The following DYNLT4 variants were observed in gnomAD, a reference collection of about 807,000 sequenced individuals.
The protein encoded by DYNLT4 is dynein light chain Tctex-type 4.
DYNLT4 carries 3 observed loss-of-function variants against 1.5 expected under a neutral mutation model. The ratio of observed to expected loss-of-function variants is 1.97; its 90% CI spans 0.90 to 5.08. The LOEUF is 5.08. DYNLT4 is among the 30% of genes most tolerant of loss of function. DYNLT4 has a pLI of 0.02. For synonymous variants in DYNLT4, 181 were observed against 160.0 expected, an observed-to-expected ratio of 1.13 and a Z score of -0.99; for missense variants, 346 against 341.0, an observed-to-expected ratio of 1.01 and a Z score of -0.12.
Position 44,806,665 on chromosome 1 carries a change from C to G in DYNLT4, c.4G>C (p.Ala2Pro), listed in dbSNP as rs1208057936. 1 of 1,460,010 alleles carries G rather than the reference C, an allele frequency of 6.8e-7. No individual in the cohort carries two copies. Among genetic ancestry groups the G allele is most frequent in the East Asian group, 2.6e-5 (1 of 38,080 alleles). 90.4% of individuals were successfully genotyped at this position (1,460,010 alleles called of 1,614,324 possible). Reference sequence around the variant, plus strand: ...CGTCCCGGGGGCAGAGGCCTGCTGGCCATGGACCTGCTGGCTGGAGGAACC... The same window carrying G: ...CGTCCCGGGGGCAGAGGCCTGCTGGGCATGGACCTGCTGGCTGGAGGAACC... M[A>P]SRPLPPGRQE... is the part of the protein sequence containing the mutation. The change falls in exon 3 of 3, where the codon GCC (alanine) becomes CCC (proline). Residue 2 changes from alanine (A) to proline (P), a missense_variant. Transcript: ENST00000339355.
In DYNLT4 at chr1:44,806,045, C is replaced by T. The variant is rs375429853; in HGVS notation, c.624G>A (p.Ser208=). The T allele has an allele frequency of 1.9e-6, 3 of 1,584,082 alleles. No individual in the cohort carries two copies. Among genetic ancestry groups the T allele is most frequent in the South Asian group, 1.1e-5 (1 of 88,322 alleles). ...GLASVSYTNT[S]LFAVATVHGL... is the part of the protein sequence containing the mutation. ...CGTGGACCGTGGCCACCGCGAAGAG[C>T]GAGGTGTTGGTGTAGGAGACCGAGG... is the stretch of plus-strand genomic sequence containing the variant. The change falls in exon 3 of 3, where the codon TCG becomes TCA. Residue 208 remains serine (S), a synonymous_variant. Transcript: ENST00000339355.
In DYNLT4 at chr1:44,806,660, G is replaced by A. The variant is rs1652119182; in HGVS notation, c.9C>T (p.Ser3=). 2.1e-6 allele frequency: 3 copies of A among 1,462,748 alleles called. No homozygotes were observed. Among genetic ancestry groups the A allele is most frequent in the Non-Finnish European group, 1.8e-6 (2 of 1,110,708 alleles). 90.6% of individuals were successfully genotyped at this position (1,462,748 alleles called of 1,614,324 possible). Residue 3 remains serine, a synonymous_variant, in exon 3 of 3, where the codon AGC becomes AGT. Coordinates refer to ENST00000339355, the MANE Select transcript of DYNLT4 (RefSeq NM_001377534.1). Reference sequence around the variant, plus strand: ...CCTGGCGTCCCGGGGGCAGAGGCCTGCTGGCCATGGACCTGCTGGCTGGAG... The same window carrying A: ...CCTGGCGTCCCGGGGGCAGAGGCCTACTGGCCATGGACCTGCTGGCTGGAG... MA[S]RPLPPGRQEE...
rs1652104541 is a variant in DYNLT4, at chr1:44,806,540, T to C, written c.129A>G (p.Pro43=). The C allele has an allele frequency of 1.3e-6, 2 of 1,497,002 alleles. No individual in the cohort carries two copies. Among genetic ancestry groups the C allele is most frequent in the Admixed American group, 2.4e-5 (1 of 42,488 alleles). 92.7% of individuals were successfully genotyped at this position (1,497,002 alleles called of 1,614,324 possible). The change falls in exon 3 of 3, where the codon CCA becomes CCG. Residue 43 remains proline (P), a synonymous_variant. Coordinates refer to ENST00000339355, the MANE Select transcript of DYNLT4 (RefSeq NM_001377534.1). ...PSIDEARPAG[P]GPAPASRRGS... is the part of the protein sequence containing the mutation. Reference sequence around the variant, plus strand: ...CCCGGCGCGAGGCCGGGGCTGGACCTGGACCTGCCGGTCGGGCCTCATCAA... The same window carrying C: ...CCCGGCGCGAGGCCGGGGCTGGACCCGGACCTGCCGGTCGGGCCTCATCAA...
Position 44,806,511 on chromosome 1 carries a change from G to C in DYNLT4, c.158C>G (p.Ser53Cys). ...PGPAPASRRG[S>C]MLGLAASFSR... Reference sequence around the variant, plus strand: ...GAAGGACGCGGCCAGGCCCAGCATGGAGCCCCGGCGCGAGGCCGGGGCTGG... The same window carrying C: ...GAAGGACGCGGCCAGGCCCAGCATGCAGCCCCGGCGCGAGGCCGGGGCTGG... The change falls in exon 3 of 3, where the codon TCC (serine) becomes TGC (cysteine). Residue 53 changes from serine (S) to cysteine (C), a missense_variant. Ser to Cys is a moderately radical substitution (Grantham distance 112, BLOSUM62 -1). Coordinates refer to ENST00000339355, the MANE Select transcript of DYNLT4 (RefSeq NM_001377534.1). 3 of 1,498,286 alleles carry C rather than the reference G, an allele frequency of 2.0e-6. No individual in the cohort carries two copies. The highest frequency in any genetic ancestry group is 2.7e-6 in the Non-Finnish European group (3 of 1,131,896). 92.8% of individuals were successfully genotyped at this position (1,498,286 alleles called of 1,614,324 possible).
rs765920469 is a variant in DYNLT4 at position 44,806,606 on chromosome 1, C to T, written c.63G>A (p.Arg21=). Residue 21 remains arginine (R), a synonymous_variant, in exon 3 of 3, where the codon CGG becomes CGA. Coordinates refer to ENST00000339355, the MANE Select transcript of DYNLT4 (RefSeq NM_001377534.1). The stretch of plus-strand genomic sequence containing the variant: ...CTCGGGGCCGCACCGGTGAGGGTTT[C>T]CGCCCGGAGTCTTTGGCATTCTCCT... ...QEEENAKDSG[R]KPSPVRPRGC... 3.7e-5 allele frequency: 54 copies of T among 1,469,654 alleles called. No homozygotes were observed. Among genetic ancestry groups the T allele is most frequent in the Non-Finnish European group, 4.6e-5 (51 of 1,114,122 alleles). 91.0% of individuals were successfully genotyped at this position (1,469,654 alleles called of 1,614,324 possible).
At position 44,806,068 on chromosome 1, in the gene DYNLT4, A is replaced by G. The variant is rs201414613; in HGVS notation, c.601T>C (p.Ser201Pro). ...AGCGAGGTGTTGGTGTAGGAGACCG[A>G]GGCCAGCCCATCGCGCGCCACGTCC... ...LWDVARDGLA[S>P]VSYTNTSLFA... Residue 201 changes from serine to proline, a missense_variant, in exon 3 of 3, where the codon TCG (serine) becomes CCG (proline). Transcript: ENST00000339355. 119 of 1,602,932 alleles carry G rather than the reference A, an allele frequency of 7.4e-5. No individual in the cohort carries two copies. Among genetic ancestry groups the G allele is most frequent in the Admixed American group, 6.8e-5 (4 of 58,542 alleles).
rs866455438 is a variant in DYNLT4, at chr1:44,806,437, G to T, written c.232C>A (p.Arg78=). Residue 78 remains arginine (R), a synonymous_variant, in exon 3 of 3, where the codon CGG becomes AGG. Transcript: ENST00000339355. ...VGPGAGPGGQ[R]PSLGPVPPLG... is the part of the protein sequence containing the mutation. ...GGGGGCACCGGGCCCAGGGATGGCC[G>T]CTGACCCCCAGGACCCGCGCCTGGC... 3 of 1,520,320 alleles carry T rather than the reference G, an allele frequency of 2.0e-6. No homozygotes were observed. The highest frequency in any genetic ancestry group is 2.1e-5 in the Admixed American group (1 of 47,258). 94.2% of individuals were successfully genotyped at this position (1,520,320 alleles called of 1,614,324 possible). A position where few individuals can be genotyped will look rare whatever the true frequency, so the allele number is the denominator to read the frequency against.
At position 44,806,258 on chromosome 1, in the gene DYNLT4, G is replaced by A; in HGVS notation, c.411C>T (p.Asp137=). ...CGGCCTCGTCGCTGGAGTAGCACGC[G>A]TCGTGCAGCCCTGCGGCCAGCGCCG... The part of the protein sequence containing the change: ...LEAALAAGLH[D]ACYSSDEAAR... The change falls in exon 3 of 3, where the codon GAC becomes GAT. Residue 137 remains aspartate, a synonymous_variant. Coordinates refer to ENST00000339355, the MANE Select transcript of DYNLT4 (RefSeq NM_001377534.1). 2.6e-6 allele frequency: 4 copies of A among 1,517,908 alleles called. No homozygotes were observed. Among genetic ancestry groups the A allele is most frequent in the East Asian group, 2.5e-5 (1 of 40,084 alleles). The allele number at this position is 1,517,908 out of a possible 1,614,324, so 94.0% of individuals were successfully genotyped here. A position where few individuals can be genotyped will look rare whatever the true frequency, so the allele number is the denominator to read the frequency against.
Position 44,806,806 on chromosome 1 carries a change from C to G in DYNLT4, c.-34G>C. 7.5e-7 allele frequency: 1 copy of G among 1,339,436 alleles called. No homozygotes were observed. The highest frequency in any genetic ancestry group is 9.5e-7 in the Non-Finnish European group (1 of 1,051,936). 83.0% of individuals were successfully genotyped at this position (1,339,436 alleles called of 1,614,324 possible). A position where few individuals can be genotyped will look rare whatever the true frequency, so the allele number is the denominator to read the frequency against. On this transcript the variant is annotated 5_prime_UTR_variant, in exon 2 of 3. Transcript: ENST00000339355. ...TACCTGTGTTTTAGAACAAGTGGAT[C>G]AGATAGTCCCAGGCTGCCTGGGTTC...
chr1:44,806,090 G>A lies in DYNLT4; in HGVS notation c.579C>T (p.Asp193=). The A allele has an allele frequency of 1.2e-6, 2 of 1,607,980 alleles. No homozygotes were observed. Among genetic ancestry groups the A allele is most frequent in the Non-Finnish European group, 8.5e-7 (1 of 1,177,404 alleles). Residue 193 remains aspartate (D), a synonymous_variant, in exon 3 of 3, where the codon GAC becomes GAT. Transcript: ENST00000339355. ...GVHVVSRALW[D]VARDGLASVS... is the part of the protein sequence containing the mutation. ...CCGAGGCCAGCCCATCGCGCGCCAC[G>A]TCCCAGAGCGCACGGCTGACCACGT...
chr1:44,806,691 A>T lies in DYNLT4; in HGVS notation c.-11-12T>A, dbSNP rs1343386760. The T allele has an allele frequency of 5.6e-6, 8 of 1,440,746 alleles. No homozygotes were observed. Among genetic ancestry groups the T allele is most frequent in the Non-Finnish European group, 4.5e-6 (5 of 1,100,812 alleles). 89.2% of individuals were successfully genotyped at this position (1,440,746 alleles called of 1,614,324 possible). A position where few individuals can be genotyped will look rare whatever the true frequency, so the allele number is the denominator to read the frequency against. On this transcript the variant is annotated splice_polypyrimidine_tract_variant and intron_variant, in intron 2 of 2. Coordinates refer to ENST00000339355, the MANE Select transcript of DYNLT4 (RefSeq NM_001377534.1). ...CATGGACCTGCTGGCTGGAGGAACC[A>T]CACTCAGGGTGGCCTTCACCAGGCA...
Position 44,806,046 on chromosome 1 carries a change from G to T in DYNLT4, c.623C>A (p.Ser208Ter). 6.3e-6 allele frequency: 10 copies of T among 1,585,522 alleles called. No homozygotes were observed. The highest frequency in any genetic ancestry group is 1.1e-5 in the South Asian group (1 of 88,592). The change falls in exon 3 of 3, where the codon TCG becomes TAG. Residue 208 changes from serine to a stop codon, truncating the protein, a stop_gained. Coordinates refer to ENST00000339355, the MANE Select transcript of DYNLT4 (RefSeq NM_001377534.1). LOFTEE classifies it high-confidence loss of function. The stretch of plus-strand genomic sequence containing the variant: ...GTGGACCGTGGCCACCGCGAAGAGC[G>T]AGGTGTTGGTGTAGGAGACCGAGGC... ...GLASVSYTNTSLFAVATVHGL... is the reference protein window; with the variant it reads ...GLASVSYTNT
rs961411212 is a variant in DYNLT4 at position 44,806,966 on chromosome 1, G to A, written c.-66-128C>T. On this transcript the variant is annotated intron_variant, in intron 1 of 2. Transcript: ENST00000339355. ...CTATGGAAGTTAGCCAGGTACGCTC[G>A]GAGTCTTAGAGACTGCCATTTCTCC... is the stretch of plus-strand genomic sequence containing the variant. 32 of 985,230 alleles carry A rather than the reference G, an allele frequency of 3.2e-5. No individual in the cohort carries two copies. In the Admixed American group the frequency reaches 9.8e-4, roughly 30 times the overall value. 61.0% of individuals were successfully genotyped at this position (985,230 alleles called of 1,614,324 possible). A position where few individuals can be genotyped will look rare whatever the true frequency, so the allele number is the denominator to read the frequency against.
chr1:44,806,092 C>T lies in DYNLT4; in HGVS notation c.577G>A (p.Asp193Asn). The change falls in exon 3 of 3, where the codon GAC becomes AAC. Residue 193 changes from aspartate (D) to asparagine (N), a missense_variant. Coordinates refer to ENST00000339355, the MANE Select transcript of DYNLT4 (RefSeq NM_001377534.1). ...GVHVVSRALWDVARDGLASVS... is the reference protein window; with the variant it reads ...GVHVVSRALWNVARDGLASVS... ...GAGGCCAGCCCATCGCGCGCCACGT[C>T]CCAGAGCGCACGGCTGACCACGTGA... 1 of 1,608,864 alleles carries T rather than the reference C, an allele frequency of 6.2e-7. No homozygotes were observed. Among genetic ancestry groups the T allele is most frequent in the Non-Finnish European group, 8.5e-7 (1 of 1,177,954 alleles).
At position 44,806,282 on chromosome 1, in the gene DYNLT4, C is replaced by T. The variant is rs537037894; in HGVS notation, c.387G>A (p.Ala129=). The T allele has an allele frequency of 1.1e-4, 166 of 1,484,590 alleles. No individual in the cohort carries two copies. In the East Asian group the frequency reaches 3.4e-3, roughly 30 times the overall value. The allele number at this position is 1,484,590 out of a possible 1,614,324, so 92.0% of individuals were successfully genotyped here. Residue 129 remains alanine, a synonymous_variant, in exon 3 of 3, where the codon GCG becomes GCA. Coordinates refer to ENST00000339355, the MANE Select transcript of DYNLT4 (RefSeq NM_001377534.1). ...CGTCGTGCAGCCCTGCGGCCAGCGC[C>T]GCCTCCAGGGCACGCTGTGCACGCG... ...EAARAQRALE[A]ALAAGLHDAC...
intron 1 of DYNLT4, 83 bp from the exon 2 acceptor site, chr1:44,806,921 CTGA>C: frequency 1.0e-6 from 1 of 985,436 alleles, no homozygotes; most frequent in South Asian, 4.7e-5. Context: ...TCCTTGCCGA[CTGA>C]GCTCCTTCTC....
At position 44,806,283 on chromosome 1, in the gene DYNLT4, G is replaced by A. The variant is rs778530209; in HGVS notation, c.386C>T (p.Ala129Val). 5 of 1,481,598 alleles carry A rather than the reference G, an allele frequency of 3.4e-6. No homozygotes were observed. Among genetic ancestry groups the A allele is most frequent in the Non-Finnish European group, 4.5e-6 (5 of 1,121,030 alleles). 91.8% of individuals were successfully genotyped at this position (1,481,598 alleles called of 1,614,324 possible). ...EAARAQRALE[A>V]ALAAGLHDAC... is the part of the protein sequence containing the mutation. The stretch of plus-strand genomic sequence containing the variant: ...GTCGTGCAGCCCTGCGGCCAGCGCC[G>A]CCTCCAGGGCACGCTGTGCACGCGC... The change falls in exon 3 of 3, where the codon GCG (alanine) becomes GTG (valine). Residue 129 changes from alanine (A) to valine (V), a missense_variant. Ala to Val is a moderately conservative substitution (Grantham distance 64, BLOSUM62 0). Transcript: ENST00000339355.
At position 44,806,776 on chromosome 1, in the gene DYNLT4, C is replaced by G. The variant is rs899476320; in HGVS notation, c.-12+8G>C. On this transcript the variant is annotated splice_region_variant and intron_variant, in intron 2 of 2. Transcript: ENST00000339355. The stretch of plus-strand genomic sequence containing the variant: ...GTCAAGGGTTTTTACCTTCTACCCC[C>G]TTCTTACCTGTGTTTTAGAACAAGT... The G allele has an allele frequency of 2.5e-5, 34 of 1,357,798 alleles. No individual in the cohort carries two copies. The South Asian group carries it at 4.1e-4, about 16-fold the overall frequency. The allele number at this position is 1,357,798 out of a possible 1,614,324, so 84.1% of individuals were successfully genotyped here. A position where few individuals can be genotyped will look rare whatever the true frequency, so the allele number is the denominator to read the frequency against.
chr1:44,806,826 G>C lies in DYNLT4; in HGVS notation c.-54C>G, dbSNP rs1652129489. 1.0e-6 allele frequency: 1 copy of C among 985,346 alleles called. No homozygotes were observed. Among genetic ancestry groups the C allele is most frequent in the African/African-American group, 1.7e-5 (1 of 57,252 alleles). 61.0% of individuals were successfully genotyped at this position (985,346 alleles called of 1,614,324 possible). On this transcript the variant is annotated 5_prime_UTR_variant, in exon 2 of 3. Coordinates refer to ENST00000339355, the MANE Select transcript of DYNLT4 (RefSeq NM_001377534.1). The stretch of plus-strand genomic sequence containing the variant: ...TGGATCAGATAGTCCCAGGCTGCCT[G>C]GGTTCCTAGGTGCTGAGAAGGTTAA...
Sources: allele counts gnomAD v4.1 joint callset, GRCh38; gene constraint gnomAD v4.1.1; transcripts MANE v1.5; gene names NCBI Gene and HGNC (gene_info 2026-07-23, HGNC 2026-07-21).